Variants in ABCG5 observed in about 807,000 individuals in gnomAD.
ABCG5 encodes ATP-binding cassette sub-family G member 5.
Under a neutral mutation model 64.5 loss-of-function variants are expected in ABCG5, and 64 were observed. The observed-to-expected ratio is 0.99, with a 90% CI of 0.81 to 1.22. ABCG5 has a LOEUF of 1.22. ABCG5 is among the 50% of genes most tolerant of loss of function. The pLI is 0.00. For missense variants in ABCG5, 908 were observed against 829.5 expected, an observed-to-expected ratio of 1.09 and a Z score of -1.16; for synonymous variants, 385 against 326.3, an observed-to-expected ratio of 1.18 and a Z score of -1.94.
chr2:43,808,747 A>G (rs918111504), downstream of ABCG5, among the ~76,000 whole-genome samples: 5 of 152,104 alleles, frequency 3.3e-5, no homozygotes, highest in African/African-American at 9.7e-5. Flanking sequence ...TGTGGCACAC[A>G]TTATGTTTTC....
At chr2:43,818,187 C>T (rs1433976618) in intron 11 of ABCG5, among the ~76,000 whole-genome samples, 2 of 152,148 alleles carry the variant, frequency 1.3e-5, no homozygotes, top group South Asian at 4.1e-4. Context: ...TGCGGTGGCT[C>T]ACACCTGTAA....
Position 43,831,778 on chromosome 2 carries a change from G to GA in ABCG5, c.491dup (p.Gln165ProfsTer33). The stretch of plus-strand genomic sequence containing the variant: ...GGGGGGCTGCACCCACCTTCTTCTG[G>GA]AAGGAGCCGGGATTGCCGCGGCGGA... On this transcript the variant is annotated frameshift_variant, in exon 4 of 13. Coordinates refer to ENST00000405322, the MANE Select transcript of ABCG5 (RefSeq NM_022436.3). LOFTEE classifies it high-confidence loss of function. 1 of 1,582,062 alleles carries GA rather than the reference G, an allele frequency of 6.3e-7. No individual in the cohort carries two copies. The highest frequency in any genetic ancestry group is 8.6e-7 in the Non-Finnish European group (1 of 1,166,044).
At position 43,838,657 on chromosome 2, in the gene ABCG5, G is replaced by A. The variant is rs757846931; in HGVS notation, c.23C>T (p.Thr8Ile). The change falls in exon 1 of 13, where the codon ACC becomes ATC. Residue 8 changes from threonine to isoleucine, a missense_variant. Thr to Ile is a moderately conservative substitution (Grantham distance 89). Transcript: ENST00000405322. The surrounding 1 kb of genome is among the most constrained non-coding windows in gnomAD (Gnocchi z 4.2). ...TTGGAGACCCATGGACCCTCCGGGG[G>A]TCAAAGATGAGAGGTCACCCATGGC... MGDLSSL[T>I]PGGSMGLQVN... The A allele has an allele frequency of 2.5e-6, 4 of 1,613,550 alleles. No individual in the cohort carries two copies. Among genetic ancestry groups the A allele is most frequent in the Non-Finnish European group, 3.4e-6 (4 of 1,179,972 alleles).
intron 11 of ABCG5, among the ~76,000 whole-genome samples, chr2:43,815,006 A>C (rs542857314): frequency 6.6e-6 from 1 of 152,204 alleles, no homozygotes; most frequent in Non-Finnish European, 1.5e-5. Context: ...CAAGTAGACG[A>C]TTACTGTCTA....
In ABCG5 at chr2:43,824,931, C is replaced by G. The variant is rs139264483; in HGVS notation, c.862G>C (p.Gly288Arg). The stretch of plus-strand genomic sequence containing the variant: ...TTTGAATGTTCAGGACAAGGGTAAC[C>G]GCAGTCATTGAAGAAATCAAGCATT... ...AEMLDFFNDCGYPCPEHSNPF... is the reference protein window; with the variant it reads ...AEMLDFFNDCRYPCPEHSNPF... The change falls in exon 7 of 13, where the codon GGT (glycine) becomes CGT (arginine). Residue 288 changes from glycine to arginine, a missense_variant. Coordinates refer to ENST00000405322, the MANE Select transcript of ABCG5 (RefSeq NM_022436.3). 5.6e-6 allele frequency: 9 copies of G among 1,613,996 alleles called. No individual in the cohort carries two copies. In the Admixed American group the frequency reaches 6.7e-5, roughly 12 times the overall value.
intron 7 of ABCG5, chr2:43,824,675 A>C: frequency 1.0e-6 from 1 of 978,216 alleles, no homozygotes; most frequent in Non-Finnish European, 1.2e-6. Context: ...AAGTAGTAGC[A>C]GTGCGCCAGT....
At position 43,824,131 on chromosome 2, in the gene ABCG5, A is replaced by T; in HGVS notation, c.1119-13T>A. 6.2e-7 allele frequency: 1 copy of T among 1,614,174 alleles called. No individual in the cohort carries two copies. ...TCTTGTCACTCTCCTGAAAACAAACAACCCTGTTTTAATTCCTTTTCAGAA... is the reference window on the plus strand; with the variant it reads ...TCTTGTCACTCTCCTGAAAACAAACTACCCTGTTTTAATTCCTTTTCAGAA... On this transcript the variant is annotated splice_polypyrimidine_tract_variant and intron_variant, in intron 8 of 12. Transcript: ENST00000405322.
At chr2:43,814,716 A>G in intron 11 of ABCG5, 127 bp from the exon 12 acceptor site, 1 of 608,392 alleles carries the variant, frequency 1.6e-6, no homozygotes, top group Non-Finnish European at 2.9e-6. Context: ...TATAAAAATG[A>G]TGCTCACTAT....
chr2:43,828,777 C>G (rs1667789817), intron 4 of ABCG5, among the ~76,000 whole-genome samples: 2 of 152,070 alleles, frequency 1.3e-5, no homozygotes, highest in African/African-American at 4.8e-5. Flanking sequence ...ACTAGCCTAG[C>G]CAACACGGTG....
In ABCG5 at chr2:43,831,968, G is replaced by A; in HGVS notation, c.381C>T (p.Asp127=). ...CCACCTGCAGGACGTAGGAGAAGCA[G>A]TCCTGGAACTGCTCCCGGCGCAGCG... ...GRALRREQFQ[D]CFSYVLQSDT... is the part of the protein sequence containing the mutation. Residue 127 remains aspartate, a synonymous_variant, in exon 3 of 13, where the codon GAC becomes GAT. Transcript: ENST00000405322. 1 of 1,551,184 alleles carries A rather than the reference G, an allele frequency of 6.4e-7. No individual in the cohort carries two copies. Among genetic ancestry groups the A allele is most frequent in the Non-Finnish European group, 8.7e-7 (1 of 1,147,336 alleles).
intron 6 of ABCG5, among the ~76,000 whole-genome samples, chr2:43,825,485 A>G (rs180853930): frequency 6.6e-6 from 1 of 152,328 alleles, no homozygotes; most frequent in East Asian, 1.9e-4. Context: ...TTGGAAGGAA[A>G]TCAGTATGAT....
At chr2:43,808,372 C>T (rs1666348138), downstream of ABCG5, among the ~76,000 whole-genome samples, 1 of 152,082 alleles carries the variant, frequency 6.6e-6, no homozygotes, top group African/African-American at 2.4e-5. Context: ...AAGGTACGCT[C>T]TGCAATTTTT....
Position 43,838,512 on chromosome 2 carries a change from A to G in ABCG5, c.143+25T>C. 3 of 1,583,758 alleles carry G rather than the reference A, an allele frequency of 1.9e-6. No individual in the cohort carries two copies. Among genetic ancestry groups the G allele is most frequent in the Non-Finnish European group, 2.6e-6 (3 of 1,165,380 alleles). Reference sequence around the variant, plus strand: ...CCGGGCCCCGCACTCCTGGGGGAGCAGCAGCAGCAAGGGCTCTGCCTTACC... The same window carrying G: ...CCGGGCCCCGCACTCCTGGGGGAGCGGCAGCAGCAAGGGCTCTGCCTTACC... On this transcript the variant is annotated intron_variant, in intron 1 of 12. Transcript: ENST00000405322. This position sits in a 1 kb window ranked among gnomAD's most constrained non-coding sequence, Gnocchi z 4.2.
downstream of ABCG5, among the ~76,000 whole-genome samples, chr2:43,809,552 A>G (rs987481495): frequency 2.0e-5 from 3 of 152,370 alleles, no homozygotes; most frequent in East Asian, 1.9e-4. Flanking sequence ...TCCTAAGCAT[A>G]ATCATTTACA....
Position 43,837,465 on chromosome 2 carries a change from A to T in ABCG5, c.265+369T>A, listed in dbSNP as rs1438089471. Among the ~76,000 whole-genome samples, 5 of 152,294 alleles carry T rather than the reference A, an allele frequency of 3.3e-5. No individual in the cohort carries two copies. In the South Asian group the frequency reaches 6.2e-4, roughly 19 times the overall value. ...TATGTCCAAAATATACCATCATAAA[A>T]AAGCACCACTGGAATCAAAGATAGG... On this transcript the variant is annotated intron_variant, in intron 2 of 12. Transcript: ENST00000405322.
At chr2:43,837,035 G>GGA (rs1553374340) in intron 2 of ABCG5, among the ~76,000 whole-genome samples, 8 of 136,888 alleles carry the variant, frequency 5.8e-5, no homozygotes, top group Admixed American at 5.1e-4. Context: ...TCTCAAAAAA[G>GGA]AAAAAAAAAG....
intron 4 of ABCG5, among the ~76,000 whole-genome samples, chr2:43,831,062 G>A (rs77725792): frequency 0.076 from 11,587 of 152,218 alleles, 566 homozygotes; most frequent in African/African-American, 0.11. Flanking sequence ...TGAAATTTTA[G>A]TAGCCAAATT....
intron 11 of ABCG5, among the ~76,000 whole-genome samples, chr2:43,818,149 C>T (rs1302883152): frequency 6.6e-6 from 1 of 152,060 alleles, no homozygotes; most frequent in Non-Finnish European, 1.5e-5. Context: ...GATTGTATGG[C>T]TACTCAAAAT....
chr2:43,818,683 G>A (rs1667001682), intron 11 of ABCG5, among the ~76,000 whole-genome samples: 1 of 152,140 alleles, frequency 6.6e-6, no homozygotes, highest in South Asian at 2.1e-4. Context: ...ATCCACTTAA[G>A]CAACACGGAC....
Sources: allele counts gnomAD v4.1 joint callset (sites outside exome capture counted in the v4.1 genomes callset), GRCh38; gene constraint gnomAD v4.1.1; non-coding constraint Gnocchi (gnomAD v3.1); transcripts MANE v1.5; gene names NCBI Gene and HGNC (gene_info 2026-07-23, HGNC 2026-07-21).